GABRQ: variants seen among roughly 807,000 people sequenced by gnomAD.
GABRQ encodes the protein gamma-aminobutyric acid receptor subunit theta.
Under a neutral mutation model 30.5 loss-of-function variants are expected in GABRQ, and 19 were observed. That is an observed-to-expected ratio of 0.62 (90% confidence interval 0.43 to 0.91). The LOEUF is 0.91. Among genes scored for constraint, GABRQ ranks in the 40% least tolerant of loss-of-function variants. GABRQ has a pLI of 0.00. For missense variants in GABRQ, 520 were observed against 521.4 expected, an observed-to-expected ratio of 1.00 and a Z score of 0.03; for synonymous variants, 187 against 210.2, an observed-to-expected ratio of 0.89 and a Z score of 0.95.
chrX:152,638,393 T>A (rs1930664427), intron 1 of GABRQ, 42 bp downstream of exon 1: 1 of 1,174,297 alleles, frequency 8.5e-7, no homozygotes, highest in East Asian at 3.0e-5. Flanking sequence ...GGGACGGGAA[T>A]GGAGACGGGC....
Position 152,650,324 on chromosome X carries a change from G to A in GABRQ, c.749-104G>A, listed in dbSNP as rs1483833509. The A allele has an allele frequency of 8.7e-6, 6 of 692,898 alleles. No individual in the cohort carries two copies. The Admixed American group carries it at 1.4e-4, about 16-fold the overall frequency. The allele number at this position is 692,898 out of a possible 1,213,427, so 57.1% of individuals were successfully genotyped here. On this transcript the variant is annotated intron_variant, in intron 6 of 8. Transcript: ENST00000598523. The stretch of plus-strand genomic sequence containing the variant: ...GATGCCTCTGGATGGAGTATTACAA[G>A]CTGAACTTCCCATTGCTCTCCCCTC...
At chrX:152,638,530 G>A (rs1444363089) in intron 1 of GABRQ, among the ~76,000 whole-genome samples, 179 bp downstream of exon 1, 3 of 112,025 alleles carry the variant, frequency 2.7e-5, no homozygotes, top group African/African-American at 9.7e-5. Flanking sequence ...GGTAAGGTGG[G>A]AGTGGGGTGT....
intron 2 of GABRQ, among the ~76,000 whole-genome samples, chrX:152,643,670 G>C (rs1930810243): frequency 8.9e-6 from 1 of 112,336 alleles, no homozygotes; most frequent in Non-Finnish European, 1.9e-5. Context: ...CAAAAGCTAG[G>C]AGGCAGAAGT....
intron 3 of GABRQ, 64 bp from the exon 4 acceptor site, chrX:152,646,884 A>G: frequency 4.1e-6 from 3 of 736,680 alleles, no homozygotes; most frequent in Admixed American, 4.5e-5. Flanking sequence ...CACACCCTAC[A>G]CACACCAAGG....
intron 2 of GABRQ, among the ~76,000 whole-genome samples, chrX:152,644,920 CACCT>C (rs1362068231): frequency 8.9e-6 from 1 of 112,032 alleles, no homozygotes; most frequent in Non-Finnish European, 1.9e-5. Flanking sequence ...CCACACAACA[CACCT>C]ACACACATTC....
Position 152,650,494 on chromosome X carries a change from T to A in GABRQ, c.815T>A (p.Val272Asp). 8.3e-7 allele frequency: 1 copy of A among 1,197,746 alleles called. No individual in the cohort carries two copies. Among genetic ancestry groups the A allele is most frequent in the Non-Finnish European group, 1.1e-6 (1 of 882,852 alleles). The change falls in exon 7 of 9, where the codon GTC becomes GAC. Residue 272 changes from valine (V) to aspartate (D), a missense_variant. Physicochemically the swap from Val to Asp is radical, Grantham distance 152 (BLOSUM62 -3). Coordinates refer to ENST00000598523, the MANE Select transcript of GABRQ (RefSeq NM_018558.4). ...GAAGTTAACAGCTACCTTGTGCAAG[T>A]CTACTGGCCTACTGTCCTCACCACT... ...QREVNSYLVQ[V>D]YWPTVLTTIT... is the part of the protein sequence containing the mutation.
At chrX:152,657,722 C>T (rs1293058446), downstream of GABRQ, among the ~76,000 whole-genome samples, 2 of 112,173 alleles carry the variant, frequency 1.8e-5, no homozygotes, top group Admixed American at 9.4e-5. Context: ...GGGGAATTAG[C>T]AACAGCACAG....
In GABRQ at chrX:152,646,797, C is replaced by T. The variant is rs1157722648; in HGVS notation, c.307-151C>T. On this transcript the variant is annotated intron_variant, in intron 3 of 8. Transcript: ENST00000598523. ...TCATTTTATTCTTTCTTTAAACCTC[C>T]GTATGTTTCACGCACTTGTATATAG... is the stretch of plus-strand genomic sequence containing the variant. 21 of 444,968 alleles carry T rather than the reference C, an allele frequency of 4.7e-5. No homozygotes were observed. The East Asian group carries it at 5.0e-4, about 11-fold the overall frequency. The allele number at this position is 444,968 out of a possible 1,213,427, so 36.7% of individuals were successfully genotyped here.
chrX:152,639,493 G>A (rs1403951589), intron 1 of GABRQ, among the ~76,000 whole-genome samples: 3 of 111,809 alleles, frequency 2.7e-5, no homozygotes, highest in Admixed American at 9.4e-5. Context: ...GTTCTGATTC[G>A]CAAGCCCTGT....
chrX:152,638,265 G>A lies in GABRQ; in HGVS notation c.63G>A (p.Ala21=). The part of the protein sequence containing the change: ...VILLLIRTWL[A]EGNYPSPIPK... ...TGCTGCTCATCAGGACCTGGCTCGC[G>A]GAGGGCAACTACCCCAGTCCCATCC... The change falls in exon 1 of 9, where the codon GCG becomes GCA. Residue 21 remains alanine (A), a synonymous_variant. Transcript: ENST00000598523. The A allele has an allele frequency of 8.3e-7, 1 of 1,209,350 alleles. No individual in the cohort carries two copies. The highest frequency in any genetic ancestry group is 1.1e-6 in the Non-Finnish European group (1 of 892,886).
rs1556820202 is a variant in GABRQ at position 152,651,541 on chromosome X, T to G, written c.917T>G (p.Leu306Arg). 1 of 1,208,365 alleles carries G rather than the reference T, an allele frequency of 8.3e-7. No homozygotes were observed. Among genetic ancestry groups the G allele is most frequent in the Non-Finnish European group, 1.1e-6 (1 of 892,058 alleles). The change falls in exon 8 of 9, where the codon CTC becomes CGC. Residue 306 changes from leucine to arginine, a missense_variant. Leu to Arg is a moderately radical substitution (Grantham distance 102). Transcript: ENST00000598523. ...ARVTIGLTSM[L>R]ILTTIDSHLR... ...TTGCTTACAGGCTTAACTTCAATGC[T>G]CATCCTGACCACCATCGACTCACAT...
chrX:152,644,413 C>T (rs1930836694), intron 2 of GABRQ, among the ~76,000 whole-genome samples: 1 of 112,595 alleles, frequency 8.9e-6, no homozygotes, highest in African/African-American at 3.2e-5. Context: ...TGCACATCTA[C>T]ATTGATAGGT....
Position 152,652,646 on chromosome X carries a change from G to A in GABRQ, c.1264G>A (p.Glu422Lys), listed in dbSNP as rs141690321. ...ESLGSLTSTS[E>K]QAQLATSESL... ...CCTCGGTTCTTTGACGTCCACCTCC[G>A]AGCAGGCCCAGCTGGCCACCTCGGA... Residue 422 changes from glutamate to lysine, a missense_variant, in exon 9 of 9, where the codon GAG becomes AAG. By Grantham distance (56) the Glu-to-Lys change is moderately conservative (BLOSUM62 1). Coordinates refer to ENST00000598523, the MANE Select transcript of GABRQ (RefSeq NM_018558.4). The A allele has an allele frequency of 1.2e-5, 15 of 1,210,111 alleles. No homozygotes were observed. In the Admixed American group the frequency reaches 2.0e-4, roughly 16 times the overall value.
At chrX:152,640,745 C>A (rs1930737811) in intron 2 of GABRQ, among the ~76,000 whole-genome samples, 1 of 112,056 alleles carries the variant, frequency 8.9e-6, no homozygotes, top group South Asian at 3.7e-4. Flanking sequence ...AAGAGCTAAG[C>A]ACAGAAATGG....
intron 7 of GABRQ, among the ~76,000 whole-genome samples, 187 bp downstream of exon 7, chrX:152,650,767 T>TAA (rs1931002014): frequency 9.0e-6 from 1 of 111,182 alleles, no homozygotes; most frequent in Non-Finnish European, 1.9e-5. Context: ...AGACCGATAT[T>TAA]AGAGACAGAT....
At chrX:152,649,205 C>A in intron 4 of GABRQ, 46 bp from the exon 5 acceptor site, 1 of 859,230 alleles carries the variant, frequency 1.2e-6, no homozygotes, top group Non-Finnish European at 1.7e-6. Flanking sequence ...TGGTTGTTTG[C>A]CTAGGCTTCA....
At chrX:152,657,838 G>C (rs782317965), downstream of GABRQ, among the ~76,000 whole-genome samples, 1 of 112,548 alleles carries the variant, frequency 8.9e-6, no homozygotes, top group East Asian at 2.8e-4. Flanking sequence ...TAGAAGTTTC[G>C]TTCAATTTTA....
intron 1 of GABRQ, among the ~76,000 whole-genome samples, chrX:152,639,018 AGTTT>A (rs1334880541): frequency 6.0e-4 from 67 of 110,889 alleles, no homozygotes; most frequent in African/African-American, 2.0e-3. Context: ...TTTGATTTTA[AGTTT>A]GTTTGGGTGT....
Position 152,649,786 on chromosome X carries a change from G to A in GABRQ, c.655G>A (p.Gly219Arg), listed in dbSNP as rs782104211. 8.5e-7 allele frequency: 1 copy of A among 1,176,147 alleles called. No homozygotes were observed. The highest frequency in any genetic ancestry group is 1.2e-6 in the Non-Finnish European group (1 of 863,249). Residue 219 changes from glycine to arginine, a missense_variant, in exon 6 of 9, where the codon GGG becomes AGG. Physicochemically the swap from Gly to Arg is moderately radical, Grantham distance 125. Coordinates refer to ENST00000598523, the MANE Select transcript of GABRQ (RefSeq NM_018558.4). ...EDIILFWDDN[G>R]NAIHMTEELH... ...CATCATATTATTCTGGGATGACAAT[G>A]GGAACGCCATCCACATGACTGAGGA...
Sources: gnomAD v4.1 joint callset for allele counts (sites outside exome capture counted in the v4.1 genomes callset) on GRCh38, gnomAD v4.1.1 for gene constraint, MANE v1.5 for transcripts, NCBI Gene and HGNC (gene_info 2026-07-23, HGNC 2026-07-21) for gene names.